Variants in SMG5 observed in about 807,000 individuals in gnomAD.
SMG5 encodes the protein nonsense-mediated mRNA decay factor SMG5.
In SMG5, 53 loss-of-function variants were observed where a neutral mutation model predicts 122.9. The observed-to-expected ratio is 0.43, with a 90% confidence interval of 0.35 to 0.54. The LOEUF is 0.54. Ranked by LOEUF, SMG5 falls within the 20% of genes least tolerant of loss-of-function variation. The pLI is 0.01. For synonymous variants in SMG5, 477 were observed against 490.2 expected (o/e 0.97, Z 0.35); for missense variants, 1,153 against 1,285.6 (o/e 0.90, Z 1.58).
At position 156,256,095 on chromosome 1, in the gene SMG5, A is replaced by G. The variant is rs373450678; in HGVS notation, c.2443-2587T>C. 3.3e-4 allele frequency among the ~76,000 whole-genome samples: 51 copies of G among 152,270 alleles called. 2 individuals carry two copies. In the South Asian group the frequency reaches 9.1e-3, roughly 27 times the overall value. ...CAGTCAAACATACTGTGGGTCCTGG[A>G]CTGGATTACAAAGAGAAAACAGACA... On this transcript the variant is annotated intron_variant, in intron 16 of 21. Transcript: ENST00000361813.
intron 13 of SMG5, among the ~76,000 whole-genome samples, chr1:156,262,182 C>G (rs2103220814): frequency 6.6e-6 from 1 of 152,092 alleles, no homozygotes; most frequent in East Asian, 1.9e-4. Flanking sequence ...TGAGCTTTTT[C>G]ACCAGCTGAA....
chr1:156,279,778 T>C (rs1028594653), intron 1 of SMG5, among the ~76,000 whole-genome samples: 1 of 152,178 alleles, frequency 6.6e-6, no homozygotes, highest in African/African-American at 2.4e-5. Context: ...AGGGAGCTCC[T>C]GGGCTGCTTA....
At chr1:156,278,377 G>GTTT (rs370053043) in intron 2 of SMG5, among the ~76,000 whole-genome samples, 6 of 140,002 alleles carry the variant, frequency 4.3e-5, no homozygotes, top group Middle Eastern at 3.4e-3. Context: ...ATATTTTTGG[G>GTTT]TTTTTTTTTT....
At chr1:156,273,229 G>A in intron 6 of SMG5, 132 bp downstream of exon 6, 1 of 707,904 alleles carries the variant, frequency 1.4e-6, no homozygotes. Flanking sequence ...GTATAAACAA[G>A]GTGAAGTACG....
At chr1:156,281,711 T>A (rs559009626) in intron 1 of SMG5, among the ~76,000 whole-genome samples, 1 of 152,350 alleles carries the variant, frequency 6.6e-6, no homozygotes, top group South Asian at 2.1e-4. Context: ...AACTCTACTC[T>A]GTAGTAGAAG....
chr1:156,266,002 C>T lies in SMG5; in HGVS notation c.1634G>A (p.Arg545Lys). The T allele has an allele frequency of 6.2e-7, 1 of 1,614,214 alleles. No individual in the cohort carries two copies. Among genetic ancestry groups the T allele is most frequent in the Middle Eastern group, 1.6e-4 (1 of 6,062 alleles). The stretch of plus-strand genomic sequence containing the variant: ...ATTGAGGGAATCGGGAGCCTCTGAT[C>T]TGCCCCGAGGGGGCTCCAGGGTTGG... ...RSPTLEPPRG[R>K]SEAPDSLNGP... Residue 545 changes from arginine (R) to lysine (K), a missense_variant, in exon 12 of 22, where the codon AGA becomes AAA. Transcript: ENST00000361813.
chr1:156,282,842 G>T (rs1663032883), upstream of SMG5: 17 of 685,918 alleles, frequency 2.5e-5, no homozygotes, highest in South Asian at 3.2e-4. Context: ...TCCTCCGCCT[G>T]CCAAATCTCG....
intron 1 of SMG5, among the ~76,000 whole-genome samples, 193 bp from the exon 2 acceptor site, chr1:156,279,227 AC>A (rs1396025608): frequency 9.3e-6 from 1 of 107,500 alleles, no homozygotes; most frequent in Non-Finnish European, 2.0e-5. Flanking sequence ...GCCCCTCCCC[AC>A]CCCCCGCCCA....
rs1241672930 is a variant in SMG5, at chr1:156,274,686, C to G, written c.455G>C (p.Gly152Ala). 1.1e-5 allele frequency: 17 copies of G among 1,613,254 alleles called. No individual in the cohort carries two copies. In the Admixed American group the frequency reaches 2.7e-4, roughly 25 times the overall value. Residue 152 changes from glycine (G) to alanine (A), a missense_variant and splice_region_variant, in exon 5 of 22, where the codon GGA becomes GCA. Gly to Ala is a moderately conservative substitution (Grantham distance 60). Around this residue, in one of 5 missense-constraint regions of SMG5, gnomAD observed 213 missense variants for 197.5 expected, o/e 1.08. Coordinates refer to ENST00000361813, the MANE Select transcript of SMG5 (RefSeq NM_015327.3). ...TGAGGCAGACACTGGCTTCTTGCAT[C>G]CTATGAGACAAAGAGAAAGAGATTT... Reference protein sequence around the residue: ...DWTHVTDPLIGCKKPVSASGK... With the variant: ...DWTHVTDPLIACKKPVSASGK...
At position 156,252,513 on chromosome 1, in the gene SMG5, C is replaced by A. The variant is rs754686857; in HGVS notation, c.2663-9G>T. The A allele has an allele frequency of 1.9e-6, 3 of 1,613,796 alleles. No individual in the cohort carries two copies. The Admixed American group carries it at 5.0e-5, about 27-fold the overall frequency. ...ATCCAGGCCATCGATCACTGGTGGG[C>A]AAGGTAGGGAAAGACAAAACAGATA... is the stretch of plus-strand genomic sequence containing the variant. On this transcript the variant is annotated splice_polypyrimidine_tract_variant and intron_variant, in intron 18 of 21. Transcript: ENST00000361813.
chr1:156,282,936 G>A (rs1444057251), upstream of SMG5: 1 of 550,112 alleles, frequency 1.8e-6, no homozygotes, highest in Non-Finnish European at 3.2e-6. Flanking sequence ...GAAGTTGCCA[G>A]AACTAACTCT....
At position 156,266,215 on chromosome 1, in the gene SMG5, A is replaced by G. The variant is rs1270562640; in HGVS notation, c.1421T>C (p.Leu474Pro). 1 of 1,614,192 alleles carries G rather than the reference A, an allele frequency of 6.2e-7. No homozygotes were observed. Reference sequence around the variant, plus strand: ...TGAGTCCGATTCAAAGCCTTCACTCAGGTCACTGTCATCACCAACTTTGGG... The same window carrying G: ...TGAGTCCGATTCAAAGCCTTCACTCGGGTCACTGTCATCACCAACTTTGGG... ...HPPKVGDDSD[L>P]SEGFESDSSH... The change falls in exon 12 of 22, where the codon CTG becomes CCG. Residue 474 changes from leucine to proline, a missense_variant. Physicochemically the swap from Leu to Pro is moderately conservative, Grantham distance 98. Coordinates refer to ENST00000361813, the MANE Select transcript of SMG5 (RefSeq NM_015327.3).
At chr1:156,265,035 ATACACACAC>A (rs1370489053) in intron 12 of SMG5, among the ~76,000 whole-genome samples, 1 of 113,628 alleles carries the variant, frequency 8.8e-6, no homozygotes, top group African/African-American at 3.7e-5. Flanking sequence ...CAAAAAAAAA[ATACACACAC>A]ACACACACAC....
chr1:156,288,975 CAA>C, the SMG5 span, among the ~76,000 whole-genome samples: 1 of 152,186 alleles, frequency 6.6e-6, no homozygotes, highest in African/African-American at 2.4e-5. Context: ...GGGAAAATCA[CAA>C]CAGATTAGGG....
At chr1:156,276,820 C>T (rs774810007) in intron 4 of SMG5, among the ~76,000 whole-genome samples, 1 of 152,196 alleles carries the variant, frequency 6.6e-6, no homozygotes, top group Admixed American at 6.5e-5. Flanking sequence ...TGTATTAATA[C>T]CACCTTCCAG....
upstream of SMG5, chr1:156,285,587 C>T (rs767322938): frequency 1.2e-6 from 2 of 1,614,250 alleles, no homozygotes; most frequent in East Asian, 2.2e-5. Flanking sequence ...TGCCAACCTG[C>T]TGCCTGAGAA....
rs753625161 is a variant in SMG5, at chr1:156,263,472, C to T, written c.1954G>A (p.Glu652Lys). 2.3e-5 allele frequency: 37 copies of T among 1,614,128 alleles called. 1 individual carries two copies. Among genetic ancestry groups the T allele is most frequent in the Middle Eastern group, 1.6e-4 (1 of 6,084 alleles). Reference sequence around the variant, plus strand: ...ACTTTCACAGCAGGAAGCAGACCTTCGGCCATCAGGACCTGAAGCTTCTCC... The same window carrying T: ...ACTTTCACAGCAGGAAGCAGACCTTTGGCCATCAGGACCTGAAGCTTCTCC... ...IQEKLQVLMA[E>K]GLLPAVKVFL... The change falls in exon 13 of 22, where the codon GAA becomes AAA. Residue 652 changes from glutamate (E) to lysine (K), a missense_variant. Glu to Lys is a moderately conservative substitution (Grantham distance 56). This residue lies in a region of SMG5 where 631 missense variants were observed against 650.6 expected (regional missense o/e 0.97). Coordinates refer to ENST00000361813, the MANE Select transcript of SMG5 (RefSeq NM_015327.3).
At chr1:156,259,787 C>T (rs1392520318) in intron 15 of SMG5, among the ~76,000 whole-genome samples, 1 of 152,148 alleles carries the variant, frequency 6.6e-6, no homozygotes, top group Non-Finnish European at 1.5e-5. Flanking sequence ...GCCTTGGCCC[C>T]CAACCAAGTG....
chr1:156,252,993 G>A lies in SMG5; in HGVS notation c.2588C>T (p.Ala863Val), dbSNP rs757292171. The A allele has an allele frequency of 6.2e-7, 1 of 1,613,264 alleles. No homozygotes were observed. The highest frequency in any genetic ancestry group is 1.3e-5 in the African/African-American group (1 of 74,946). Residue 863 changes from alanine to valine, a missense_variant, in exon 18 of 22, where the codon GCC (alanine) becomes GTC (valine). By Grantham distance (64) the Ala-to-Val change is moderately conservative. Around this residue, in one of 5 missense-constraint regions of SMG5, gnomAD observed 140 missense variants for 227.8 expected, o/e 0.61. Coordinates refer to ENST00000361813, the MANE Select transcript of SMG5 (RefSeq NM_015327.3). Reference sequence around the variant, plus strand: ...GATGACAGGGAGATGGTGGCAGAGGGCCTGGGTGTCAGGGACGAGGTAGGG... The same window carrying A: ...GATGACAGGGAGATGGTGGCAGAGGACCTGGGTGTCAGGGACGAGGTAGGG... ...MSPYLVPDTQ[A>V]LCHHLPVIRQ...
Sources: allele counts gnomAD v4.1 joint callset (sites outside exome capture counted in the v4.1 genomes callset), GRCh38; gene constraint gnomAD v4.1.1; regional missense constraint gnomAD v4.1.1; transcripts MANE v1.5; gene names NCBI Gene and HGNC (gene_info 2026-07-23, HGNC 2026-07-21).